CASZ1: variants seen among roughly 807,000 people sequenced by gnomAD.
CASZ1 encodes the protein castor zinc finger 1, also known as zinc finger protein castor homolog 1.
CASZ1 carries 28 observed loss-of-function variants against 135.2 expected under a neutral mutation model. The observed-to-expected ratio is 0.21, with a 90% CI of 0.15 to 0.28. The LOEUF is 0.28. CASZ1 is among the 10% of genes least tolerant of loss of function. The probability of loss-of-function intolerance (pLI) is 1.00; values close to 1 mark genes in which losing one functional copy is unlikely to be tolerated. For synonymous variants in CASZ1, 1,068 were observed against 1,073.4 expected, an observed-to-expected ratio of 0.99 and a Z score of 0.10; for missense variants, 2,161 against 2,453.3, an observed-to-expected ratio of 0.88 and a Z score of 2.52.
chr1:10,663,672 C>A (rs183045960), intron 5 of CASZ1, among the ~76,000 whole-genome samples: 1 of 152,218 alleles, frequency 6.6e-6, no homozygotes, highest in Non-Finnish European at 1.5e-5. Flanking sequence ...CCTGCATGGC[C>A]GAGCCCAGGG....
rs147937295 is a variant in CASZ1 at position 10,719,535 on chromosome 1, C to T, written c.-76-13991G>A. 8.5e-5 allele frequency among the ~76,000 whole-genome samples: 13 copies of T among 152,224 alleles called. No individual in the cohort carries two copies. Among genetic ancestry groups the T allele is most frequent in the Non-Finnish European group, 1.8e-4 (12 of 68,008 alleles). On this transcript the variant is annotated intron_variant, in intron 2 of 20. Transcript: ENST00000377022. The surrounding 1 kb of genome is among the most constrained non-coding windows in gnomAD (Gnocchi z 4.0). ...AGCAGCGCTGTGGGGAAGGTGGCAC[C>T]GAACAAGTTTCTAAGGGACACTCAG...
chr1:10,721,626 C>T lies in CASZ1; in HGVS notation c.-76-16082G>A, dbSNP rs754140318. On this transcript the variant is annotated intron_variant, in intron 2 of 20. Coordinates refer to ENST00000377022, the MANE Select transcript of CASZ1 (RefSeq NM_001079843.3). The surrounding 1 kb of genome is among the most constrained non-coding windows in gnomAD (Gnocchi z 5.4). ...GTGGCCCCCTTGCCATCAGAGCCCA[C>T]GGGGGGCTGGACGAGGGTGGAGGGT... Among the ~76,000 whole-genome samples the T allele has an allele frequency of 2.0e-5, 3 of 152,160 alleles. No individual in the cohort carries two copies. Among genetic ancestry groups the T allele is most frequent in the Non-Finnish European group, 2.9e-5 (2 of 68,024 alleles).
At position 10,719,207 on chromosome 1, in the gene CASZ1, C is replaced by T. The variant is rs1479338466; in HGVS notation, c.-76-13663G>A. On this transcript the variant is annotated intron_variant, in intron 2 of 20. Coordinates refer to ENST00000377022, the MANE Select transcript of CASZ1 (RefSeq NM_001079843.3). The surrounding 1 kb of genome is among the most constrained non-coding windows in gnomAD (Gnocchi z 4.0). The stretch of plus-strand genomic sequence containing the variant: ...TGCTGGGATTACAGGCGTGAGCCAC[C>T]GCACCCGGCCCCGTGCCCCTTTCTT... 2.0e-5 allele frequency among the ~76,000 whole-genome samples: 3 copies of T among 152,170 alleles called. No individual in the cohort carries two copies. Among genetic ancestry groups the T allele is most frequent in the East Asian group, 1.9e-4 (1 of 5,184 alleles).
chr1:10,647,544 TCAC>T lies in CASZ1; in HGVS notation c.3497+254_3497+256del, dbSNP rs1352722434. The T allele has an allele frequency of 1.5e-6, 2 of 1,375,432 alleles. No individual in the cohort carries two copies. The highest frequency in any genetic ancestry group is 1.5e-5 in the African/African-American group (1 of 68,216). 85.2% of individuals were successfully genotyped at this position (1,375,432 alleles called of 1,614,324 possible). A position where few individuals can be genotyped will look rare whatever the true frequency, so the allele number is the denominator to read the frequency against. ...TCCACCCCACCTGGCCCTGGCAGGA[TCAC>T]CACATGCCCTGCAGGAGCAGTAGCC... On this transcript the variant is annotated intron_variant, in intron 16 of 20. Coordinates refer to ENST00000377022, the MANE Select transcript of CASZ1 (RefSeq NM_001079843.3). This position sits in a 1 kb window ranked among gnomAD's most constrained non-coding sequence, Gnocchi z 4.9.
chr1:10,694,154 C>T lies in CASZ1; in HGVS notation c.-23-242G>A. On this transcript the variant is annotated intron_variant, in intron 3 of 20. Coordinates refer to ENST00000377022, the MANE Select transcript of CASZ1 (RefSeq NM_001079843.3). The surrounding 1 kb of genome is among the most constrained non-coding windows in gnomAD (Gnocchi z 6.6). Reference sequence around the variant, plus strand: ...CTCCAACTAAGGCAGCAACTCTCGGCCGGCGCGGCCCCGGCTTGGGGGCCC... The same window carrying T: ...CTCCAACTAAGGCAGCAACTCTCGGTCGGCGCGGCCCCGGCTTGGGGGCCC... The T allele has an allele frequency of 3.0e-6, 1 of 328,450 alleles. No homozygotes were observed. The highest frequency in any genetic ancestry group is 4.9e-6 in the Non-Finnish European group (1 of 202,438). The allele number at this position is 328,450 out of a possible 1,614,324, so 20.3% of individuals were successfully genotyped here. A position where few individuals can be genotyped will look rare whatever the true frequency, so the allele number is the denominator to read the frequency against.
At chr1:10,662,005 AAC>A (rs937481816) in intron 5 of CASZ1, among the ~76,000 whole-genome samples, 1 of 151,894 alleles carries the variant, frequency 6.6e-6, no homozygotes, top group Non-Finnish European at 1.5e-5. Context: ...AATCACATAC[AAC>A]ACACACATGC....
In CASZ1 at chr1:10,794,198, TGC is replaced by T. The variant is rs1432907133; in HGVS notation, c.-234+2364_-234+2365del. 4.5e-3 allele frequency among the ~76,000 whole-genome samples: 634 copies of T among 140,892 alleles called. 3 individuals carry two copies. The highest frequency in any genetic ancestry group is 0.013 in the African/African-American group (507 of 37,700). The allele number at this position is 140,892 out of a possible 152,430, so 92.4% of individuals were successfully genotyped here. On this transcript the variant is annotated intron_variant, in intron 1 of 20. Transcript: ENST00000377022. The surrounding 1 kb of genome is among the most constrained non-coding windows in gnomAD (Gnocchi z 5.6). ...ATGCGTGTGTGTGTGTGTGTGTGTG[TGC>T]GCGCGCGCGCGCGTCGTGGGTTGGG...
rs904097266 is a variant in CASZ1, at chr1:10,749,810, C to A, written c.-77+10891G>T. On this transcript the variant is annotated intron_variant, in intron 2 of 20. Coordinates refer to ENST00000377022, the MANE Select transcript of CASZ1 (RefSeq NM_001079843.3). ...TGTTAAAAGATGACCTTACATCTAACAAATATTAATACTGACTTATAACCC... is the reference window on the plus strand; with the variant it reads ...TGTTAAAAGATGACCTTACATCTAAAAAATATTAATACTGACTTATAACCC... Among the ~76,000 whole-genome samples the A allele has an allele frequency of 2.0e-5, 3 of 152,176 alleles. No homozygotes were observed. In the South Asian group the frequency reaches 6.2e-4, roughly 31 times the overall value.
intron 4 of CASZ1, among the ~76,000 whole-genome samples, chr1:10,668,083 G>A (rs988711606): frequency 2.0e-5 from 3 of 152,204 alleles, no homozygotes; most frequent in Non-Finnish European, 4.4e-5. Context: ...GAGGTGGGAG[G>A]CGTGTGGGCC....
rs570042185 is a variant in CASZ1 at position 10,770,860 on chromosome 1, C to A, written c.-233-10003G>T. On this transcript the variant is annotated intron_variant, in intron 1 of 20. Coordinates refer to ENST00000377022, the MANE Select transcript of CASZ1 (RefSeq NM_001079843.3). ...TTTTACCTCGGATCACCCTTTCCCA[C>A]TCCCTTCCAGAAGAGCCAGTGCTTT... Among the ~76,000 whole-genome samples, 18 of 152,344 alleles carry A rather than the reference C, an allele frequency of 1.2e-4. No individual in the cohort carries two copies. In the South Asian group the frequency reaches 3.7e-3, roughly 32 times the overall value.
intron 19 of CASZ1, 52 bp from the exon 20 acceptor site, chr1:10,643,052 C>T: frequency 6.3e-7 from 1 of 1,599,590 alleles, no homozygotes; most frequent in Non-Finnish European, 8.5e-7. Flanking sequence ...GTATGCTGCC[C>T]ACAGAGGGCA....
In CASZ1 at chr1:10,639,164, CT is replaced by C; in HGVS notation, c.5057del (p.Glu1686GlyfsTer157). 9.5e-7 allele frequency: 1 copy of C among 1,054,274 alleles called. No homozygotes were observed. The highest frequency in any genetic ancestry group is 1.2e-6 in the Non-Finnish European group (1 of 861,916). 65.3% of individuals were successfully genotyped at this position (1,054,274 alleles called of 1,614,324 possible). ...EDEEEELELP[E>X]EEAEDDEDED... ...CGTCCTCGTCGTCTTCGGCCTCCTCCTCCGGCAGCTCCAGCTCCTCCTCCTC... is the reference window on the plus strand; with the variant it reads ...CGTCCTCGTCGTCTTCGGCCTCCTCCCCGGCAGCTCCAGCTCCTCCTCCTC... On this transcript the variant is annotated frameshift_variant, in exon 21 of 21. Coordinates refer to ENST00000377022, the MANE Select transcript of CASZ1 (RefSeq NM_001079843.3). LOFTEE classifies it high-confidence loss of function. The surrounding 1 kb of genome is among the most constrained non-coding windows in gnomAD (Gnocchi z 4.0).
chr1:10,712,410 T>G (rs1460634754), intron 2 of CASZ1, among the ~76,000 whole-genome samples: 3 of 152,202 alleles, frequency 2.0e-5, no homozygotes, highest in African/African-American at 7.2e-5. Context: ...ATGGTAAATT[T>G]TACGGTGTGT....
chr1:10,638,674 G>C lies in CASZ1; in HGVS notation c.*268C>G, dbSNP rs1349931580. The C allele has an allele frequency of 6.0e-6, 1 of 165,908 alleles. No homozygotes were observed. The highest frequency in any genetic ancestry group is 1.2e-5 in the Non-Finnish European group (1 of 80,828). 10.3% of individuals were successfully genotyped at this position (165,908 alleles called of 1,614,324 possible). A position where few individuals can be genotyped will look rare whatever the true frequency, so the allele number is the denominator to read the frequency against. On this transcript the variant is annotated 3_prime_UTR_variant, in exon 21 of 21. Coordinates refer to ENST00000377022, the MANE Select transcript of CASZ1 (RefSeq NM_001079843.3). The surrounding 1 kb of genome is among the most constrained non-coding windows in gnomAD (Gnocchi z 5.9). ...CCGGGAGCTGCGCCGCATTCGCCCG[G>C]GACCCCTGCTCCTAGGTTCCCTACC...
intron 2 of CASZ1, among the ~76,000 whole-genome samples, chr1:10,738,846 T>C (rs1639854309): frequency 6.6e-6 from 1 of 151,866 alleles, no homozygotes; most frequent in Non-Finnish European, 1.5e-5. Context: ...ACACCACTTT[T>C]AGTCCCAATT....
intron 11 of CASZ1, chr1:10,652,472 A>T (rs1642625847): frequency 6.6e-6 from 1 of 152,278 alleles, no homozygotes; most frequent in Non-Finnish European, 1.5e-5. Context: ...AATGAGCCAC[A>T]TCCCAGATGT....
At position 10,657,704 on chromosome 1, in the gene CASZ1, G is replaced by A. The variant is rs1159226468; in HGVS notation, c.1409+804C>T. Among the ~76,000 whole-genome samples the A allele has an allele frequency of 3.3e-5, 5 of 151,520 alleles. No homozygotes were observed. In the East Asian group the frequency reaches 5.8e-4, roughly 18 times the overall value. On this transcript the variant is annotated intron_variant, in intron 7 of 20. Coordinates refer to ENST00000377022, the MANE Select transcript of CASZ1 (RefSeq NM_001079843.3). The surrounding 1 kb of genome is among the most constrained non-coding windows in gnomAD (Gnocchi z 5.7). ...CGGAGACAGAGTGGGACGTGGAGGC[G>A]GAGAGACAGAGCGGGCGGGAGGAAC...
In CASZ1 at chr1:10,665,530, C is replaced by G; in HGVS notation, c.58G>C (p.Ala20Pro). The change falls in exon 5 of 21, where the codon GCC becomes CCC. Residue 20 changes from alanine to proline, a missense_variant. Transcript: ENST00000377022. Reference sequence around the variant, plus strand: ...CCACCCTTGCGTTTGGGCGCCATGGCGGGCTTGCCTGCAGGCGGGTCCGTG... The same window carrying G: ...CCACCCTTGCGTTTGGGCGCCATGGGGGGCTTGCCTGCAGGCGGGTCCGTG... ...RCTDPPAGKPAMAPKRKGGLK... is the reference protein window; with the variant it reads ...RCTDPPAGKPPMAPKRKGGLK... 6.3e-7 allele frequency: 1 copy of G among 1,593,648 alleles called. No individual in the cohort carries two copies. The highest frequency in any genetic ancestry group is 1.1e-5 in the South Asian group (1 of 89,762).
At chr1:10,680,703 G>A (rs1316500752) in intron 4 of CASZ1, among the ~76,000 whole-genome samples, 2 of 152,142 alleles carry the variant, frequency 1.3e-5, no homozygotes, top group African/African-American at 4.8e-5. Context: ...ACTTGCTGCT[G>A]AGCCCAGCTG....
Sources: allele counts gnomAD v4.1 joint callset (sites outside exome capture counted in the v4.1 genomes callset), GRCh38; gene constraint gnomAD v4.1.1; non-coding constraint Gnocchi (gnomAD v3.1); transcripts MANE v1.5; gene names NCBI Gene and HGNC (gene_info 2026-07-23, HGNC 2026-07-21).